Variants in SOX6 observed in about 807,000 individuals in gnomAD.
SOX6 encodes transcription factor SOX-6.
A neutral mutation model predicts 97.8 loss-of-function variants in SOX6; 11 were observed. The observed-to-expected ratio is 0.11, with a 90% CI of 0.07 to 0.19. SOX6 has a LOEUF of 0.19. SOX6 is among the 10% of genes least tolerant of loss of function. The pLI is 1.00. For synonymous variants in SOX6, 360 were observed against 371.4 expected, an observed-to-expected ratio of 0.97 and a Z score of 0.35; for missense variants, 810 against 1,039.5, an observed-to-expected ratio of 0.78 and a Z score of 3.04.
chr11:16,224,830 T>C (rs958560179), intron 4 of SOX6, among the ~76,000 whole-genome samples: 6 of 152,016 alleles, frequency 3.9e-5, no homozygotes, highest in Non-Finnish European at 7.4e-5. Flanking sequence ...TGGGGGAATA[T>C]TAAGTTTCCA....
intron 14 of SOX6, 116 bp from the exon 15 acceptor site, chr11:15,986,536 T>A (rs1853846103): frequency 1.1e-6 from 1 of 907,904 alleles, no homozygotes; most frequent in African/African-American, 1.6e-5. Flanking sequence ...TGGCTCCAAT[T>A]CCCACATACC....
chr11:16,084,644 C>G (rs1444299285), intron 9 of SOX6, among the ~76,000 whole-genome samples: 1 of 152,108 alleles, frequency 6.6e-6, no homozygotes, highest in African/African-American at 2.4e-5. Context: ...CTTATGGAAC[C>G]AAGAAGCACC....
At chr11:16,428,673 C>A (rs1184329683) in intron 1 of SOX6, among the ~76,000 whole-genome samples, 1 of 152,100 alleles carries the variant, frequency 6.6e-6, no homozygotes, top group Non-Finnish European at 1.5e-5. Context: ...CTGCTCTGTT[C>A]CATTGATCTA....
chr11:16,264,570 T>C (rs996432624), intron 3 of SOX6: 4 of 151,832 alleles, frequency 2.6e-5, no homozygotes, highest in African/African-American at 7.3e-5. Flanking sequence ...TGAAGGTGTA[T>C]CTTCAGGGTA....
chr11:16,379,782 T>A (rs1210411475), intron 1 of SOX6, among the ~76,000 whole-genome samples: 76 of 152,202 alleles, frequency 5.0e-4, no homozygotes, highest in African/African-American at 1.8e-3. Context: ...TGCAAAGATT[T>A]AGCTACAGAT....
chr11:16,637,324 G>A (rs773220638), intron 3 of SOX6, among the ~76,000 whole-genome samples: 5 of 152,068 alleles, frequency 3.3e-5, no homozygotes, highest in Non-Finnish European at 7.4e-5. Context: ...GGGTTCCAAC[G>A]ATTCTCCTGC....
At chr11:16,210,272 G>A (rs1043344507) in intron 4 of SOX6, among the ~76,000 whole-genome samples, 2 of 152,172 alleles carry the variant, frequency 1.3e-5, no homozygotes, top group African/African-American at 4.8e-5. Context: ...ATAAAATGTG[G>A]CATATAGCCA....
chr11:16,127,539 T>C (rs932448712), intron 6 of SOX6, among the ~76,000 whole-genome samples: 5 of 152,128 alleles, frequency 3.3e-5, no homozygotes, highest in Non-Finnish European at 5.9e-5. Context: ...TTAGGAAGAA[T>C]GGTATAATAA....
At chr11:16,723,826 C>G (rs1848284989) in intron 2 of SOX6, among the ~76,000 whole-genome samples, 1 of 152,014 alleles carries the variant, frequency 6.6e-6, no homozygotes, top group Non-Finnish European at 1.5e-5. Context: ...GATTTTTCCC[C>G]TTTCCCCTCT....
intron 6 of SOX6, among the ~76,000 whole-genome samples, chr11:16,152,364 A>C (rs1459265253): frequency 6.6e-6 from 1 of 152,158 alleles, no homozygotes; most frequent in Non-Finnish European, 1.5e-5. Flanking sequence ...GTATCTGGAG[A>C]ACCCAAATCT....
At chr11:16,559,630 T>C (rs568132110) in intron 4 of SOX6, among the ~76,000 whole-genome samples, 82 of 152,266 alleles carry the variant, frequency 5.4e-4, no homozygotes, top group Non-Finnish European at 1.0e-3. Context: ...GAATTTGTGA[T>C]TGTAGCAAGT....
At chr11:16,389,969 T>TAAAAAAAAAAAAAAAAAAAAAGAAA (rs1858117234) in intron 1 of SOX6, among the ~76,000 whole-genome samples, 1 of 41,856 alleles carries the variant, frequency 2.4e-5, no homozygotes, top group African/African-American at 1.0e-4. Flanking sequence ...GACTCCGTCT[T>TAAAAAAAAAAAAAAAAAAAAAGAAA]AAAAAAAAAA....
At chr11:16,522,504 C>A (rs1861085068) in intron 4 of SOX6, among the ~76,000 whole-genome samples, 2 of 151,946 alleles carry the variant, frequency 1.3e-5, no homozygotes, top group African/African-American at 4.8e-5. Context: ...AAGGAACAAC[C>A]AGTACCAGCC....
intron 15 of SOX6, among the ~76,000 whole-genome samples, chr11:15,978,323 C>T (rs1022272229): frequency 9.9e-5 from 15 of 152,028 alleles, no homozygotes; most frequent in African/African-American, 3.6e-4. Context: ...ACCACTGAAA[C>T]AGAGCTTATG....
intron 4 of SOX6, among the ~76,000 whole-genome samples, chr11:16,495,775 T>C (rs907781227): frequency 4.6e-5 from 7 of 152,088 alleles, no homozygotes; most frequent in African/African-American, 1.7e-4. Flanking sequence ...GGCCTAAGAA[T>C]CAGCCCACCT....
At chr11:16,426,197 A>G (rs1342310794) in intron 1 of SOX6, among the ~76,000 whole-genome samples, 2 of 124,796 alleles carry the variant, frequency 1.6e-5, no homozygotes, top group East Asian at 5.6e-4. Context: ...CAGAGCTTGC[A>G]GTGAGCTGAG....
At chr11:16,142,714 A>G (rs1253271993) in intron 6 of SOX6, among the ~76,000 whole-genome samples, 4 of 152,144 alleles carry the variant, frequency 2.6e-5, no homozygotes, top group Non-Finnish European at 5.9e-5. Flanking sequence ...GCCCAAGCTT[A>G]AGTAGCCAAT....
intron 12 of SOX6, among the ~76,000 whole-genome samples, chr11:16,039,077 C>T (rs1855589558): frequency 6.6e-6 from 1 of 152,118 alleles, no homozygotes; most frequent in East Asian, 1.9e-4. Flanking sequence ...CATCCTTTAG[C>T]AATTAGGTAA....
chr11:16,028,713 G>T (rs914385584), intron 12 of SOX6, among the ~76,000 whole-genome samples: 2 of 152,138 alleles, frequency 1.3e-5, no homozygotes, highest in Non-Finnish European at 2.9e-5. Flanking sequence ...TGTAAATGAG[G>T]TATGTGCTCT....
Sources: gnomAD v4.1 joint callset for allele counts (sites outside exome capture counted in the v4.1 genomes callset) on GRCh38, gnomAD v4.1.1 for gene constraint, MANE v1.5 for transcripts, NCBI Gene and HGNC (gene_info 2026-07-23, HGNC 2026-07-21) for gene names.